The following CATSPERT variants were observed in gnomAD, a reference collection of about 807,000 sequenced individuals.
CATSPERT encodes the protein catsper channel auxiliary subunit tau.
At chr2:201,493,057 A>C in the CATSPERT span, 2 of 1,536,292 alleles carry the variant, frequency 1.3e-6, no homozygotes, top group Non-Finnish European at 1.7e-6. Flanking sequence ...TAGTCTTTCT[A>C]ATTCTTTTTC....
chr2:201,618,103 T>C, the CATSPERT span, among the ~76,000 whole-genome samples: 1 of 152,218 alleles, frequency 6.6e-6, no homozygotes, highest in Non-Finnish European at 1.5e-5. Flanking sequence ...GCTTTTACAC[T>C]GTTGGTGGGA....
the CATSPERT span, among the ~76,000 whole-genome samples, chr2:201,611,376 C>T: frequency 1.3e-5 from 2 of 151,994 alleles, no homozygotes; most frequent in Non-Finnish European, 2.9e-5. Context: ...ACTAAGGGAT[C>T]AAAGGAGATC....
chr2:201,566,653 C>T, the CATSPERT span, among the ~76,000 whole-genome samples: 129 of 151,846 alleles, frequency 8.5e-4, no homozygotes, highest in African/African-American at 2.5e-3. Context: ...TGAATAGTGC[C>T]GCAATAAACA....
At chr2:201,492,344 G>T in the CATSPERT span, 1 of 1,535,578 alleles carries the variant, frequency 6.5e-7, no homozygotes, top group South Asian at 1.2e-5. Flanking sequence ...GATTTTGAAA[G>T]TTTTTCTATA....
At chr2:201,539,747 T>C in the CATSPERT span, among the ~76,000 whole-genome samples, 1 of 152,024 alleles carries the variant, frequency 6.6e-6, no homozygotes, top group Non-Finnish European at 1.5e-5. Context: ...CACAACAATA[T>C]TGAAATTAGG....
the CATSPERT span, among the ~76,000 whole-genome samples, chr2:201,523,710 G>C: frequency 1.1e-4 from 16 of 152,162 alleles, no homozygotes; most frequent in Admixed American, 1.0e-3. Flanking sequence ...CAAGATTCAG[G>C]AGAAAGTTGA....
chr2:201,576,009 A>G, the CATSPERT span, among the ~76,000 whole-genome samples: 1 of 152,202 alleles, frequency 6.6e-6, no homozygotes, highest in African/African-American at 2.4e-5. Flanking sequence ...CAAAAGAAGA[A>G]AATAAAAATT....
the CATSPERT span, among the ~76,000 whole-genome samples, chr2:201,502,997 T>C: frequency 6.6e-6 from 1 of 152,086 alleles, no homozygotes; most frequent in East Asian, 1.9e-4. Context: ...ATGTTGTTAA[T>C]CTCTTAAAGG....
chr2:201,536,268 G>T, the CATSPERT span: 1 of 1,612,832 alleles, frequency 6.2e-7, no homozygotes, highest in Non-Finnish European at 8.5e-7. Flanking sequence ...ATCTTGGTCC[G>T]ATTGGTTCAA....
At chr2:201,563,165 C>A in the CATSPERT span, among the ~76,000 whole-genome samples, 1 of 60,640 alleles carries the variant, frequency 1.6e-5, no homozygotes, top group African/African-American at 5.0e-5. Flanking sequence ...ACCTCCCTCC[C>A]GGACGGGGCG....
At chr2:201,570,245 T>C in the CATSPERT span, among the ~76,000 whole-genome samples, 1 of 152,316 alleles carries the variant, frequency 6.6e-6, no homozygotes, top group South Asian at 2.1e-4. Flanking sequence ...TCCAACTTTA[T>C]GTTCCTTCCA....
the CATSPERT span, among the ~76,000 whole-genome samples, chr2:201,499,389 A>G: frequency 6.6e-6 from 1 of 152,170 alleles, no homozygotes; most frequent in Non-Finnish European, 1.5e-5. Context: ...CCCAAAAAAG[A>G]AAACCCTTAG....
At chr2:201,571,735 A>G in the CATSPERT span, among the ~76,000 whole-genome samples, 1 of 152,132 alleles carries the variant, frequency 6.6e-6, no homozygotes, top group East Asian at 1.9e-4. Flanking sequence ...CAACTCCTCT[A>G]TCCAGGGCTA....
the CATSPERT span, among the ~76,000 whole-genome samples, chr2:201,510,269 C>A: frequency 6.6e-6 from 1 of 150,830 alleles, no homozygotes; most frequent in African/African-American, 2.5e-5. Context: ...CATGGTGTAA[C>A]CCTGTCTCTA....
chr2:201,589,508 G>C, the CATSPERT span, among the ~76,000 whole-genome samples: 2 of 152,070 alleles, frequency 1.3e-5, no homozygotes, highest in African/African-American at 2.4e-5. Flanking sequence ...ATAGGGAAAG[G>C]ATTCCCTATT....
At chr2:201,527,614 A>C in the CATSPERT span, among the ~76,000 whole-genome samples, 1 of 152,132 alleles carries the variant, frequency 6.6e-6, no homozygotes, top group Non-Finnish European at 1.5e-5. Flanking sequence ...ACACACCTAC[A>C]TCCATCTGAT....
the CATSPERT span, chr2:201,547,510 A>C: frequency 6.6e-7 from 1 of 1,508,098 alleles, no homozygotes; most frequent in Non-Finnish European, 9.1e-7. Flanking sequence ...ATTACCTCAG[A>C]ATCCTTATGT....
At chr2:201,532,783 C>T in the CATSPERT span, among the ~76,000 whole-genome samples, 14 of 152,042 alleles carry the variant, frequency 9.2e-5, no homozygotes, top group South Asian at 2.1e-4. Flanking sequence ...TTGTCAAATG[C>T]GGCTAAGTAG....
At chr2:201,528,354 G>A in the CATSPERT span, among the ~76,000 whole-genome samples, 2 of 152,186 alleles carry the variant, frequency 1.3e-5, no homozygotes, top group African/African-American at 4.8e-5. Context: ...GCTGTTTGGA[G>A]ATTTCTCAAA....
Sources: allele counts gnomAD v4.1 joint callset (sites outside exome capture counted in the v4.1 genomes callset), GRCh38; gene constraint gnomAD v4.1.1; transcripts MANE v1.5; gene names NCBI Gene and HGNC (gene_info 2026-07-23, HGNC 2026-07-21).